Variants in CHRM5 observed in about 807,000 individuals in gnomAD.
CHRM5 encodes muscarinic acetylcholine receptor M5.
CHRM5 carries 18 observed loss-of-function variants against 39.0 expected under a neutral mutation model. The ratio of observed to expected loss-of-function variants is 0.46; its 90% CI spans 0.32 to 0.68. The LOEUF (loss-of-function observed/expected upper bound fraction) is 0.68, where lower values mean the gene tolerates loss of function less well. Ranked by LOEUF, CHRM5 falls within the 30% of genes least tolerant of loss-of-function variation. The pLI is 0.04. For missense variants in CHRM5, 515 were observed against 651.1 expected (o/e 0.79, Z 2.28); for synonymous variants, 241 against 246.3 (o/e 0.98, Z 0.20).
chr15:34,048,959 C>G (rs1302978263), intron 2 of CHRM5, among the ~76,000 whole-genome samples: 1 of 152,190 alleles, frequency 6.6e-6, no homozygotes, highest in Non-Finnish European at 1.5e-5. Context: ...TGCAGCAGCC[C>G]TGTGGAAGAG....
In CHRM5 at chr15:34,063,893, G is replaced by A. The variant is rs138824708; in HGVS notation, c.1176G>A (p.Glu392=). 11 of 1,614,066 alleles carry A rather than the reference G, an allele frequency of 6.8e-6. No individual in the cohort carries two copies. Among genetic ancestry groups the A allele is most frequent in the Middle Eastern group, 1.6e-4 (1 of 6,084 alleles). The change falls in exon 3 of 3, where the codon GAG becomes GAA. Residue 392 remains glutamate, a synonymous_variant. Coordinates refer to ENST00000383263, the MANE Select transcript of CHRM5 (RefSeq NM_012125.4). This position sits in a 1 kb window ranked among gnomAD's most constrained non-coding sequence, Gnocchi z 4.1. ...TGGTAAAAGCTGACGGGAACCAGGAGACCAACAATGGCTGTCACAAGGTGA... is the reference window on the plus strand; with the variant it reads ...TGGTAAAAGCTGACGGGAACCAGGAAACCAACAATGGCTGTCACAAGGTGA... ...RLVVKADGNQ[E]TNNGCHKVKI...
Position 34,064,195 on chromosome 15 carries a change from T to C in CHRM5, c.1478T>C (p.Ile493Thr). The C allele has an allele frequency of 6.2e-7, 1 of 1,614,202 alleles. No homozygotes were observed. The highest frequency in any genetic ancestry group is 8.5e-7 in the Non-Finnish European group (1 of 1,180,036). The part of the protein sequence containing the change: ...LCYVNSTVNP[I>T]CYALCNRTFR... ...TATGTCAATAGCACTGTCAACCCCA[T>C]CTGCTATGCCCTCTGCAACAGAACC... Residue 493 changes from isoleucine (I) to threonine (T), a missense_variant, in exon 3 of 3, where the codon ATC (isoleucine) becomes ACC (threonine). By Grantham distance (89) the Ile-to-Thr change is moderately conservative. Coordinates refer to ENST00000383263, the MANE Select transcript of CHRM5 (RefSeq NM_012125.4).
chr15:34,051,685 A>G (rs1488607351), intron 2 of CHRM5, among the ~76,000 whole-genome samples: 1 of 152,294 alleles, frequency 6.6e-6, no homozygotes, highest in East Asian at 1.9e-4. Context: ...AGAAATCCAA[A>G]CAATCATCAG....
At chr15:34,020,545 C>T (rs530196224) in intron 1 of CHRM5, among the ~76,000 whole-genome samples, 2 of 152,306 alleles carry the variant, frequency 1.3e-5, no homozygotes, top group South Asian at 4.2e-4. Context: ...GGCAGAACAT[C>T]CCCTCTTCTC....
At chr15:34,050,892 A>G (rs1488637513) in intron 2 of CHRM5, among the ~76,000 whole-genome samples, 1 of 152,228 alleles carries the variant, frequency 6.6e-6, no homozygotes, top group Non-Finnish European at 1.5e-5. Flanking sequence ...ACTCCCAAAC[A>G]ATAATAGTGG....
At chr15:34,057,767 G>C (rs1248601751) in intron 2 of CHRM5, among the ~76,000 whole-genome samples, 1 of 152,184 alleles carries the variant, frequency 6.6e-6, no homozygotes, top group Non-Finnish European at 1.5e-5. Flanking sequence ...CTGTTCTCCA[G>C]CCTGAGTGAT....
Position 34,063,458 on chromosome 15 carries a change from G to C in CHRM5, c.741G>C (p.Arg247Ser). The change falls in exon 3 of 3, where the codon AGG becomes AGC. Residue 247 changes from arginine to serine, a missense_variant. Physicochemically the swap from Arg to Ser is moderately radical, Grantham distance 110. Coordinates refer to ENST00000383263, the MANE Select transcript of CHRM5 (RefSeq NM_012125.4). The surrounding 1 kb of genome is among the most constrained non-coding windows in gnomAD (Gnocchi z 4.1). ...CTGAGAAGAGAAAGCCAGCTCATAG[G>C]GCTCTGTTCAGATCCTGCTTGCGCT... ...TKAEKRKPAH[R>S]ALFRSCLRCP... 1.2e-6 allele frequency: 2 copies of C among 1,613,834 alleles called. No individual in the cohort carries two copies. The highest frequency in any genetic ancestry group is 1.7e-6 in the Non-Finnish European group (2 of 1,180,030).
At chr15:34,042,693 G>A (rs994271632) in intron 1 of CHRM5, among the ~76,000 whole-genome samples, 4 of 151,908 alleles carry the variant, frequency 2.6e-5, no homozygotes, top group African/African-American at 7.3e-5. Context: ...AACAGCCACC[G>A]TGCCCGGCAA....
chr15:33,993,248 G>A (rs777867091), intron 1 of CHRM5, among the ~76,000 whole-genome samples: 1 of 152,130 alleles, frequency 6.6e-6, no homozygotes, highest in African/African-American at 2.4e-5. Context: ...CTCTTGAAAC[G>A]TAACTTAGAA....
intron 1 of CHRM5, among the ~76,000 whole-genome samples, chr15:33,985,359 G>C (rs576293149): frequency 6.6e-6 from 1 of 150,996 alleles, no homozygotes; most frequent in Non-Finnish European, 1.5e-5. Flanking sequence ...TACAGGGAAG[G>C]AACACTGAGC....
chr15:33,976,006 C>G (rs1239905584), intron 1 of CHRM5, among the ~76,000 whole-genome samples: 1 of 152,136 alleles, frequency 6.6e-6, no homozygotes, highest in Non-Finnish European at 1.5e-5. Context: ...AACATTATAC[C>G]AAACACTGGA....
intron 1 of CHRM5, among the ~76,000 whole-genome samples, chr15:34,017,633 C>A (rs1186491649): frequency 6.6e-6 from 1 of 152,002 alleles, no homozygotes; most frequent in Non-Finnish European, 1.5e-5. Flanking sequence ...GTGCATGCCA[C>A]CACACCCAGC....
intron 2 of CHRM5, among the ~76,000 whole-genome samples, chr15:34,047,518 A>T (rs1463106330): frequency 6.6e-6 from 1 of 152,134 alleles, no homozygotes; most frequent in East Asian, 1.9e-4. Flanking sequence ...GGCACCTCAC[A>T]AGATAAGACC....
At chr15:33,989,846 A>T (rs4780196) in intron 1 of CHRM5, among the ~76,000 whole-genome samples, 33,010 of 150,556 alleles carry the variant, frequency 0.22, 4,115 homozygotes, top group Middle Eastern at 0.41. Context: ...ATGAGTCTAA[A>T]AGATAATCAT....
chr15:33,971,612 T>C (rs1434736399), intron 1 of CHRM5, among the ~76,000 whole-genome samples: 1 of 152,054 alleles, frequency 6.6e-6, no homozygotes, highest in Non-Finnish European at 1.5e-5. Flanking sequence ...CATTTTTCTG[T>C]GTTAGCATTC....
At chr15:33,981,827 T>C (rs1182554408) in intron 1 of CHRM5, among the ~76,000 whole-genome samples, 1 of 152,138 alleles carries the variant, frequency 6.6e-6, no homozygotes, top group East Asian at 1.9e-4. Flanking sequence ...AGGTACTCTA[T>C]AAACAAGTTT....
chr15:34,032,183 G>A (rs951993989), intron 1 of CHRM5, among the ~76,000 whole-genome samples: 6 of 152,126 alleles, frequency 3.9e-5, no homozygotes, highest in African/African-American at 1.4e-4. Context: ...AGTGCATCAA[G>A]AAATAGTGAC....
chr15:34,011,024 G>C (rs562782591), intron 1 of CHRM5, among the ~76,000 whole-genome samples: 11 of 152,014 alleles, frequency 7.2e-5, no homozygotes, highest in African/African-American at 2.2e-4. Context: ...GACAGTTTTC[G>C]ATATTTGAAA....
intron 1 of CHRM5, among the ~76,000 whole-genome samples, chr15:33,981,979 T>C (rs944262817): frequency 2.0e-5 from 3 of 151,930 alleles, no homozygotes; most frequent in African/African-American, 7.3e-5. Flanking sequence ...GCCTCCCTAG[T>C]AGCTGGGACT....
Sources: allele counts gnomAD v4.1 joint callset (sites outside exome capture counted in the v4.1 genomes callset), GRCh38; gene constraint gnomAD v4.1.1; non-coding constraint Gnocchi (gnomAD v3.1); transcripts MANE v1.5; gene names NCBI Gene and HGNC (gene_info 2026-07-23, HGNC 2026-07-21).